ZNF266: variants seen among roughly 807,000 people sequenced by gnomAD.
ZNF266 encodes zinc finger protein 266, also known as zinc finger protein 1.
Under a neutral mutation model 16.4 loss-of-function variants are expected in ZNF266, and 16 were observed. The observed-to-expected ratio is 0.98, with a 90% CI of 0.66 to 1.48. ZNF266 has a LOEUF of 1.48. Ranked by LOEUF, ZNF266 falls within the 40% of genes most tolerant of loss-of-function variation. ZNF266 has a pLI of 0.00. For missense variants in ZNF266, 738 were observed against 689.1 expected (o/e 1.07, Z -0.79); for synonymous variants, 262 against 237.9 (o/e 1.10, Z -0.93).
At chr19:9,429,207 C>T (rs1203118917) in intron 5 of ZNF266, among the ~76,000 whole-genome samples, 1 of 152,118 alleles carries the variant, frequency 6.6e-6, no homozygotes, top group African/African-American at 2.4e-5. Context: ...AATTCTCTAT[C>T]ATGCTCTAGG....
intron 5 of ZNF266, among the ~76,000 whole-genome samples, chr19:9,428,346 T>C (rs1221265170): frequency 6.6e-6 from 1 of 152,214 alleles, no homozygotes; most frequent in Non-Finnish European, 1.5e-5. Context: ...CAGAAGGCAG[T>C]GGCTTCCCCT....
chr19:9,434,375 G>C (rs1182072161), intron 3 of ZNF266, 140 bp from the exon 4 acceptor site: 1 of 152,100 alleles, frequency 6.6e-6, no homozygotes, highest in Non-Finnish European at 1.5e-5. Flanking sequence ...ACAGCCCTAG[G>C]CTGAATTTTT....
intron 5 of ZNF266, among the ~76,000 whole-genome samples, chr19:9,426,567 C>T (rs1482617580): frequency 6.6e-6 from 1 of 151,246 alleles, no homozygotes; most frequent in Non-Finnish European, 1.5e-5. Flanking sequence ...ACTTTTTGAA[C>T]TTTAAGTACT....
At chr19:9,426,921 G>C (rs984867005) in intron 5 of ZNF266, among the ~76,000 whole-genome samples, 7 of 152,136 alleles carry the variant, frequency 4.6e-5, no homozygotes. Flanking sequence ...TCCATATTAG[G>C]TATAAATATG....
Position 9,413,216 on chromosome 19 carries a change from C to A in ZNF266, c.*59G>T. On this transcript the variant is annotated 3_prime_UTR_variant, in exon 11 of 11. Transcript: ENST00000592904. ...ATTTTTACATTCATAGGGTTTCTCC[C>A]CAGTGAGTTTTCATGTCTTCAGAGA... 1.3e-6 allele frequency: 2 copies of A among 1,520,578 alleles called. No individual in the cohort carries two copies. The highest frequency in any genetic ancestry group is 1.8e-6 in the Non-Finnish European group (2 of 1,137,436). 94.2% of individuals were successfully genotyped at this position (1,520,578 alleles called of 1,614,324 possible).
chr19:9,412,942 GACCAT>G lies in ZNF266; in HGVS notation c.*328_*332del. 3.3e-6 allele frequency: 1 copy of G among 304,460 alleles called. No homozygotes were observed. Among genetic ancestry groups the G allele is most frequent in the South Asian group, 5.4e-5 (1 of 18,522 alleles). The allele number at this position is 304,460 out of a possible 1,614,324, so 18.9% of individuals were successfully genotyped here. A position where few individuals can be genotyped will look rare whatever the true frequency, so the allele number is the denominator to read the frequency against. ...CAAATATGGAGTGGGGCATCATCCA[GACCAT>G]ACCATTTAAATTGCAGGGTTTCTCT... On this transcript the variant is annotated 3_prime_UTR_variant, in exon 11 of 11. Transcript: ENST00000592904.
At chr19:9,426,783 C>A (rs1383953771) in intron 5 of ZNF266, among the ~76,000 whole-genome samples, 8 of 152,158 alleles carry the variant, frequency 5.3e-5, no homozygotes, top group Admixed American at 5.2e-4. Flanking sequence ...CCACTAAATT[C>A]AAACATTGTG....
intron 5 of ZNF266, among the ~76,000 whole-genome samples, chr19:9,429,542 T>C (rs1338525427): frequency 6.6e-6 from 1 of 151,752 alleles, no homozygotes; most frequent in Non-Finnish European, 1.5e-5. Context: ...GCCCAAAATA[T>C]CACCGCTGGA....
chr19:9,415,325 A>AAGCAACAATAAGTGTCAAGCTAGG (rs2068819826), intron 10 of ZNF266, among the ~76,000 whole-genome samples: 1 of 151,988 alleles, frequency 6.6e-6, no homozygotes, highest in Non-Finnish European at 1.5e-5. Flanking sequence ...GTCAAGCTAG[A>AAGCAACAATAAGTGTCAAGCTAGG]TTTCAAGCAT....
Position 9,417,725 on chromosome 19 carries a change from G to A in ZNF266, c.316+103C>T, listed in dbSNP as rs138970517. On this transcript the variant is annotated intron_variant, in intron 9 of 10. Coordinates refer to ENST00000592904, the MANE Select transcript of ZNF266 (RefSeq NM_001370374.1). ...ACTGTGCCACGGCACTCCAGCCTGG[G>A]TGACAGAGTGAGACTCCATCTCAAA... The A allele has an allele frequency of 1.3e-4, 118 of 936,512 alleles. 2 individuals carry two copies. The African/African-American group carries it at 1.8e-3, about 14-fold the overall frequency. 58.0% of individuals were successfully genotyped at this position (936,512 alleles called of 1,614,324 possible).
chr19:9,414,586 T>C lies in ZNF266; in HGVS notation c.540A>G (p.Val180=). The change falls in exon 11 of 11, where the codon GTA becomes GTG. Residue 180 remains valine, a synonymous_variant. Coordinates refer to ENST00000592904, the MANE Select transcript of ZNF266 (RefSeq NM_001370374.1). Reference sequence around the variant, plus strand: ...TTTTCTTGTGCAGAGTAAGGAAGTCTACTCCATACAGATAACACTCAAATG... The same window carrying C: ...TTTTCTTGTGCAGAGTAAGGAAGTCCACTCCATACAGATAACACTCAAATG... The part of the protein sequence containing the change: ...ENTFECYLYG[V]DFLTLHKKTS... 6.2e-7 allele frequency: 1 copy of C among 1,613,686 alleles called. No homozygotes were observed. Among genetic ancestry groups the C allele is most frequent in the Non-Finnish European group, 8.5e-7 (1 of 1,179,560 alleles).
chr19:9,413,154 G>T lies in ZNF266; in HGVS notation c.*121C>A. On this transcript the variant is annotated 3_prime_UTR_variant, in exon 11 of 11. Coordinates refer to ENST00000592904, the MANE Select transcript of ZNF266 (RefSeq NM_001370374.1). ...GGTCTTCTCCACTGTGAATTCATAT[G>T]TGTTCATTAAGACCTGAGATACAAA... 8.1e-7 allele frequency: 1 copy of T among 1,238,358 alleles called. No homozygotes were observed. 76.7% of individuals were successfully genotyped at this position (1,238,358 alleles called of 1,614,324 possible).
Position 9,413,395 on chromosome 19 carries a change from A to G in ZNF266, c.1731T>C (p.His577=). 6.2e-7 allele frequency: 1 copy of G among 1,614,004 alleles called. No individual in the cohort carries two copies. Among genetic ancestry groups the G allele is most frequent in the South Asian group, 1.1e-5 (1 of 91,042 alleles). The change falls in exon 11 of 11, where the codon CAT becomes CAC. Residue 577 remains histidine (H), a synonymous_variant. Transcript: ENST00000592904. ...SFSYSNSFQL[H]ERTHTGEKPY... Reference sequence around the variant, plus strand: ...GTTTCTCTCCAGTGTGAGTTCGTTCATGTAACTGAAACGAATTGGAGTAAC... The same window carrying G: ...GTTTCTCTCCAGTGTGAGTTCGTTCGTGTAACTGAAACGAATTGGAGTAAC...
At chr19:9,421,424 A>G (rs1381689808) in intron 5 of ZNF266, among the ~76,000 whole-genome samples, 2 of 152,260 alleles carry the variant, frequency 1.3e-5, no homozygotes, top group African/African-American at 4.8e-5. Context: ...ATGTACAATT[A>G]AAAGTACAGA....
At chr19:9,428,894 T>C (rs2071180093) in intron 5 of ZNF266, among the ~76,000 whole-genome samples, 1 of 122,814 alleles carries the variant, frequency 8.1e-6, no homozygotes, top group Non-Finnish European at 1.8e-5. Flanking sequence ...CACTTCTTTT[T>C]TGTCAATTTA....
chr19:9,425,209 A>G (rs1057152438), intron 5 of ZNF266, among the ~76,000 whole-genome samples: 18 of 152,178 alleles, frequency 1.2e-4, no homozygotes, highest in Admixed American at 1.3e-4. Flanking sequence ...GTCCTGAGGG[A>G]TAACGTCCAT....
intron 9 of ZNF266, among the ~76,000 whole-genome samples, chr19:9,417,619 CAG>C (rs2069249498): frequency 6.6e-6 from 1 of 152,160 alleles, no homozygotes; most frequent in Middle Eastern, 3.4e-3. Context: ...CCCAGCTACT[CAG>C]GGGGCTGAGG....
chr19:9,430,766 A>C (rs1342466415), intron 5 of ZNF266, among the ~76,000 whole-genome samples: 2 of 152,078 alleles, frequency 1.3e-5, no homozygotes, highest in Non-Finnish European at 2.9e-5. Context: ...CAGTCATGTA[A>C]ATCAGTTCTC....
intron 5 of ZNF266, among the ~76,000 whole-genome samples, chr19:9,429,685 A>T (rs2071298930): frequency 6.6e-6 from 1 of 151,974 alleles, no homozygotes; most frequent in Admixed American, 6.6e-5. Context: ...GACACAGAAC[A>T]TTTTTTTCTT....
Sources: allele counts gnomAD v4.1 joint callset (sites outside exome capture counted in the v4.1 genomes callset), GRCh38; gene constraint gnomAD v4.1.1; transcripts MANE v1.5; gene names NCBI Gene and HGNC (gene_info 2026-07-23, HGNC 2026-07-21).